The following NELL1 variants were observed in gnomAD, a reference collection of about 807,000 sequenced individuals.
NELL1 encodes neural EGFL like 1, also known as protein kinase C-binding protein NELL1.
In NELL1, 76 loss-of-function variants were observed where a neutral mutation model predicts 107.4. That is an observed-to-expected ratio of 0.71 (90% confidence interval 0.59 to 0.86). The LOEUF is 0.86. Among genes scored for constraint, NELL1 ranks in the 40% least tolerant of loss-of-function variants. The probability of loss-of-function intolerance (pLI) is 0.00; values close to 1 mark genes in which losing one functional copy is unlikely to be tolerated. For missense variants in NELL1, 1,024 were observed against 1,005.5 expected, an observed-to-expected ratio of 1.02 and a Z score of -0.25; for synonymous variants, 353 against 341.2, an observed-to-expected ratio of 1.03 and a Z score of -0.38.
intron 14 of NELL1, among the ~76,000 whole-genome samples, chr11:21,344,153 C>T (rs1179146075): frequency 1.3e-5 from 2 of 152,156 alleles, no homozygotes; most frequent in Non-Finnish European, 2.9e-5. Flanking sequence ...TCCTATTGCC[C>T]TCAAATGTTG....
At chr11:21,516,732 C>CACACACAT (rs2133950499) in intron 15 of NELL1, among the ~76,000 whole-genome samples, 1 of 143,780 alleles carries the variant, frequency 7.0e-6, no homozygotes, top group South Asian at 2.2e-4. Flanking sequence ...ATCACACACA[C>CACACACAT]ACACACATAC....
intron 12 of NELL1, among the ~76,000 whole-genome samples, chr11:20,985,263 A>C (rs532451666): frequency 7.2e-4 from 110 of 152,324 alleles, no homozygotes; most frequent in South Asian, 3.3e-3. Context: ...TCCAGTAGTC[A>C]GTGAAATCAT....
intron 12 of NELL1, among the ~76,000 whole-genome samples, chr11:21,079,954 A>G (rs1264097744): frequency 1.3e-5 from 2 of 151,982 alleles, no homozygotes; most frequent in African/African-American, 4.8e-5. Context: ...TGAGGAGGGG[A>G]ATAGAGGATT....
At chr11:21,411,397 G>T (rs1434984497) in intron 15 of NELL1, among the ~76,000 whole-genome samples, 1 of 152,004 alleles carries the variant, frequency 6.6e-6, no homozygotes, top group African/African-American at 2.4e-5. Flanking sequence ...TTGTTTTCAT[G>T]CAATGGCTTA....
chr11:21,275,276 A>G (rs1190991434), intron 14 of NELL1, among the ~76,000 whole-genome samples: 2 of 152,368 alleles, frequency 1.3e-5, no homozygotes, highest in Non-Finnish European at 2.9e-5. Context: ...AAACACCTCT[A>G]CGCAAATAAA....
chr11:21,028,480 A>G (rs1453253051), intron 12 of NELL1, among the ~76,000 whole-genome samples: 3 of 152,198 alleles, frequency 2.0e-5, no homozygotes, highest in Admixed American at 6.6e-5. Flanking sequence ...AAGTGCAGTG[A>G]TAACAGGTAA....
intron 17 of NELL1, among the ~76,000 whole-genome samples, chr11:21,562,135 T>C (rs924421780): frequency 1.3e-5 from 2 of 152,074 alleles, no homozygotes; most frequent in Admixed American, 1.3e-4. Context: ...AAATTCTTCT[T>C]TCAGTTTTTG....
At chr11:20,968,504 A>G (rs1230386534) in intron 12 of NELL1, among the ~76,000 whole-genome samples, 1 of 152,202 alleles carries the variant, frequency 6.6e-6, no homozygotes, top group African/African-American at 2.4e-5. Context: ...ACTTTTGCTA[A>G]TACTCAGTTC....
chr11:20,965,663 G>A (rs1337194136), intron 12 of NELL1, among the ~76,000 whole-genome samples: 1 of 152,204 alleles, frequency 6.6e-6, no homozygotes, highest in Non-Finnish European at 1.5e-5. Flanking sequence ...GTAATTTCAT[G>A]TAACAAAACT....
At chr11:21,287,380 C>G (rs557454120) in intron 14 of NELL1, among the ~76,000 whole-genome samples, 1 of 152,320 alleles carries the variant, frequency 6.6e-6, no homozygotes, top group African/African-American at 2.4e-5. Context: ...CCAGCATGAT[C>G]TTTCTGACAG....
chr11:21,084,693 G>A (rs77111705), intron 12 of NELL1, among the ~76,000 whole-genome samples: 4,723 of 152,262 alleles, frequency 0.031, 163 homozygotes, highest in South Asian at 0.12. Context: ...GGAATTGCCA[G>A]TCATCTTACT....
chr11:21,547,402 G>A (rs538984533), intron 16 of NELL1, among the ~76,000 whole-genome samples: 1 of 151,976 alleles, frequency 6.6e-6, no homozygotes, highest in South Asian at 2.1e-4. Flanking sequence ...TGACTTAGGT[G>A]AGGAATAATT....
chr11:21,563,136 G>A (rs1174056192), intron 17 of NELL1, among the ~76,000 whole-genome samples: 3 of 152,040 alleles, frequency 2.0e-5, no homozygotes, highest in Non-Finnish European at 4.4e-5. Context: ...CAGATGAAAA[G>A]TGGTTGTCTC....
chr11:20,749,096 T>A (rs1432758475), intron 2 of NELL1, among the ~76,000 whole-genome samples: 1 of 150,426 alleles, frequency 6.6e-6, no homozygotes, highest in Non-Finnish European at 1.5e-5. Flanking sequence ...AGACGTTAAA[T>A]GATTATAAGT....
At chr11:20,705,335 G>T (rs997006536) in intron 2 of NELL1, among the ~76,000 whole-genome samples, 2 of 152,070 alleles carry the variant, frequency 1.3e-5, no homozygotes, top group Non-Finnish European at 2.9e-5. Context: ...CAATGGAACA[G>T]AACAGAGCCC....
At chr11:21,089,320 CA>C (rs963851954) in intron 12 of NELL1, among the ~76,000 whole-genome samples, 1 of 152,106 alleles carries the variant, frequency 6.6e-6, no homozygotes, top group Non-Finnish European at 1.5e-5. Context: ...GAAAACTAAC[CA>C]AAGTGCTAAT....
intron 13 of NELL1, among the ~76,000 whole-genome samples, chr11:21,143,383 G>A (rs1855909988): frequency 6.6e-6 from 1 of 152,156 alleles, no homozygotes; most frequent in South Asian, 2.1e-4. Flanking sequence ...ATAAATAGGA[G>A]TTTGTAGGTG....
At chr11:20,989,865 C>T (rs532112600) in intron 12 of NELL1, among the ~76,000 whole-genome samples, 70 of 152,004 alleles carry the variant, frequency 4.6e-4, no homozygotes, top group Non-Finnish European at 7.5e-4. Context: ...GGCATGGTGG[C>T]GGGCGCCTGT....
chr11:21,533,870 A>G (rs1006426909), intron 15 of NELL1, among the ~76,000 whole-genome samples: 1 of 152,174 alleles, frequency 6.6e-6, no homozygotes, highest in African/African-American at 2.4e-5. Flanking sequence ...TGTATTATCA[A>G]TCTTATCTCA....
Sources: allele counts gnomAD v4.1 joint callset (sites outside exome capture counted in the v4.1 genomes callset), GRCh38; gene constraint gnomAD v4.1.1; transcripts MANE v1.5; gene names NCBI Gene and HGNC (gene_info 2026-07-23, HGNC 2026-07-21).